The following PSD3 variants were observed in gnomAD, a reference collection of about 807,000 sequenced individuals.
PSD3 encodes pleckstrin and Sec7 domain containing 3, also known as PH and SEC7 domain-containing protein 3.
In PSD3, 49 loss-of-function variants were observed where a neutral mutation model predicts 105.5. That is an observed-to-expected ratio of 0.46 (90% CI 0.37 to 0.59). The LOEUF is 0.59. Among genes scored for constraint, PSD3 ranks in the 20% least tolerant of loss-of-function variants. The pLI, the probability that PSD3 is intolerant of heterozygous loss-of-function variation, is 0.00. For missense variants in PSD3, 1,561 were observed against 1,263.8 expected (o/e 1.24, Z -3.57); for synonymous variants, 557 against 457.8 (o/e 1.22, Z -2.77).
chr8:18,774,685 A>G (rs1356706580), intron 8 of PSD3: 1 of 360,948 alleles, frequency 2.8e-6, no homozygotes, highest in Non-Finnish European at 5.5e-6. Context: ...TCTGGGGGCT[A>G]GTATTTCTTG....
intron 2 of PSD3, among the ~76,000 whole-genome samples, chr8:18,919,673 T>C (rs951053750): frequency 2.0e-5 from 3 of 151,584 alleles, no homozygotes; most frequent in Admixed American, 6.6e-5. Context: ...ATACAAAGAG[T>C]GTAATTTTCT....
chr8:18,752,230 A>G (rs1805551137), intron 9 of PSD3, among the ~76,000 whole-genome samples: 1 of 151,024 alleles, frequency 6.6e-6, no homozygotes, highest in African/African-American at 2.4e-5. Flanking sequence ...TCTACATACA[A>G]TATCAAGTTG....
chr8:18,571,204 C>G (rs776821315), intron 14 of PSD3, among the ~76,000 whole-genome samples: 2 of 152,098 alleles, frequency 1.3e-5, no homozygotes, highest in Admixed American at 1.3e-4. Context: ...CAGCAGCATC[C>G]AAAATCCTAC....
intron 9 of PSD3, among the ~76,000 whole-genome samples, chr8:18,758,714 AC>A (rs931380590): frequency 1.1e-4 from 16 of 152,024 alleles, no homozygotes; most frequent in Admixed American, 1.3e-4. Context: ...TTTAAATTCT[AC>A]CTTCTTGGCT....
rs2129474317 is a variant in PSD3 at position 19,000,814 on chromosome 8, T to A, written c.21+12749A>T. ...GAGCACCTACTCTGCCGTATATTCT[T>A]AATAGGGTTCCTGTACTTAGCTATG... On this transcript the variant is annotated intron_variant, in intron 1 of 15. Transcript: ENST00000327040. The A allele has an allele frequency of 3.3e-5, 5 of 152,068 alleles. 2 individuals are homozygous for A. In the Middle Eastern group the frequency reaches 0.017, roughly 521 times the overall value. 9.4% of individuals were successfully genotyped at this position (152,068 alleles called of 1,614,324 possible). A position where few individuals can be genotyped will look rare whatever the true frequency, so the allele number is the denominator to read the frequency against.
intron 8 of PSD3, among the ~76,000 whole-genome samples, chr8:18,766,071 T>A (rs1161539090): frequency 6.6e-6 from 1 of 152,004 alleles, no homozygotes; most frequent in African/African-American, 2.4e-5. Context: ...TCCTGACTCA[T>A]GTCTGTAATC....
At position 18,576,910 on chromosome 8, in the gene PSD3, A is replaced by C. The variant is rs551524514; in HGVS notation, c.2482-1625T>G. Reference sequence around the variant, plus strand: ...TGTACTTTTTTTTTTTTTATATTCTAGGTCCATGATTTAAGCTTTTATCTT... The same window carrying C: ...TGTACTTTTTTTTTTTTTATATTCTCGGTCCATGATTTAAGCTTTTATCTT... On this transcript the variant is annotated intron_variant, in intron 12 of 15. Transcript: ENST00000327040. Among the ~76,000 whole-genome samples the C allele has an allele frequency of 2.8e-4, 42 of 151,266 alleles. No individual in the cohort carries two copies. The East Asian group carries it at 7.6e-3, about 27-fold the overall frequency.
At chr8:19,026,943 AG>A (rs1331135177) in intron 1 of PSD3, among the ~76,000 whole-genome samples, 1 of 151,964 alleles carries the variant, frequency 6.6e-6, no homozygotes, top group African/African-American at 2.4e-5. Context: ...AGTGAGTGAA[AG>A]AATTCTCTCT....
intron 2 of PSD3, among the ~76,000 whole-genome samples, chr8:18,903,471 A>C (rs770794097): frequency 2.0e-5 from 3 of 152,084 alleles, no homozygotes; most frequent in Non-Finnish European, 4.4e-5. Context: ...TGATGATTCC[A>C]TTCCTCAAGA....
chr8:18,676,442 G>A (rs550132791), intron 9 of PSD3, among the ~76,000 whole-genome samples: 2 of 152,110 alleles, frequency 1.3e-5, no homozygotes, highest in African/African-American at 2.4e-5. Flanking sequence ...TGCCATACCC[G>A]CTAACCCTGA....
intron 9 of PSD3, among the ~76,000 whole-genome samples, chr8:18,722,924 C>T (rs1803095918): frequency 6.6e-6 from 1 of 152,208 alleles, no homozygotes; most frequent in Non-Finnish European, 1.5e-5. Flanking sequence ...TTATAGAATG[C>T]CGTATGTCCC....
At chr8:18,903,380 G>T (rs746509170) in intron 2 of PSD3, among the ~76,000 whole-genome samples, 1 of 152,150 alleles carries the variant, frequency 6.6e-6, no homozygotes, top group Non-Finnish European at 1.5e-5. Flanking sequence ...TGCAGTGGCA[G>T]CAAGTACCTG....
intron 14 of PSD3, among the ~76,000 whole-genome samples, chr8:18,571,160 C>T (rs1308878274): frequency 6.6e-6 from 1 of 152,100 alleles, no homozygotes; most frequent in African/African-American, 2.4e-5. Flanking sequence ...TGTGCCCAGT[C>T]TTAAAGCTAT....
rs114793925 is a variant in PSD3 at position 18,691,046 on chromosome 8, C to T, written c.2173-35361G>A. On this transcript the variant is annotated intron_variant, in intron 9 of 15. Coordinates refer to ENST00000327040, the MANE Select transcript of PSD3 (RefSeq NM_015310.4). Reference sequence around the variant, plus strand: ...CTATGATTTGTACAACCTATGAGGACGCATCACCTCACTCCAGCAGCCTTC... The same window carrying T: ...CTATGATTTGTACAACCTATGAGGATGCATCACCTCACTCCAGCAGCCTTC... Among the ~76,000 whole-genome samples, 285 of 152,064 alleles carry T rather than the reference C, an allele frequency of 1.9e-3. 1 individual carries two copies. The highest frequency in any genetic ancestry group is 6.5e-3 in the African/African-American group (268 of 41,454).
chr8:19,073,548 C>A (rs1829342156), intron 1 of PSD3, among the ~76,000 whole-genome samples: 2 of 37,238 alleles, frequency 5.4e-5, no homozygotes, highest in African/African-American at 1.1e-4. Flanking sequence ...GAAACTGTCT[C>A]TCAAAAAAAA....
intron 9 of PSD3, among the ~76,000 whole-genome samples, chr8:18,749,110 C>T (rs748121545): frequency 6.6e-6 from 1 of 152,210 alleles, no homozygotes; most frequent in African/African-American, 2.4e-5. Flanking sequence ...ATCTTCTTGA[C>T]GTTCCTCTTA....
intron 9 of PSD3, among the ~76,000 whole-genome samples, chr8:18,663,814 T>C (rs1809528952): frequency 1.3e-5 from 2 of 152,258 alleles, no homozygotes; most frequent in South Asian, 2.1e-4. Flanking sequence ...GATAATGCTT[T>C]ACAACTTGAA....
intron 1 of PSD3, among the ~76,000 whole-genome samples, chr8:19,058,701 G>C (rs1312352963): frequency 6.6e-6 from 1 of 152,100 alleles, no homozygotes; most frequent in Non-Finnish European, 1.5e-5. Context: ...GTTTCTTGAA[G>C]TTTGGAGATG....
intron 6 of PSD3, chr8:18,802,374 A>G (rs549565188): frequency 0.014 from 4,299 of 302,908 alleles, 98 homozygotes; most frequent in Admixed American, 0.076. Context: ...ATGGGAAGGA[A>G]AAAAAAAATC....
Sources: gnomAD v4.1 joint callset for allele counts (sites outside exome capture counted in the v4.1 genomes callset) on GRCh38, gnomAD v4.1.1 for gene constraint, MANE v1.5 for transcripts, NCBI Gene and HGNC (gene_info 2026-07-23, HGNC 2026-07-21) for gene names.